MYO16: variants seen among roughly 807,000 people sequenced by gnomAD.
MYO16 encodes the protein unconventional myosin-XVI.
MYO16 carries 94 observed loss-of-function variants against 205.3 expected under a neutral mutation model. The ratio of observed to expected loss-of-function variants is 0.46; its 90% CI spans 0.39 to 0.54. MYO16 has a LOEUF of 0.54. MYO16 is among the 20% of genes least tolerant of loss of function. The pLI is 0.00. For synonymous variants in MYO16, 988 were observed against 954.0 expected, an observed-to-expected ratio of 1.04 and a Z score of -0.66; for missense variants, 2,315 against 2,387.5, an observed-to-expected ratio of 0.97 and a Z score of 0.63.
At chr13:108,902,303 C>G (rs1880750725) in intron 15 of MYO16, among the ~76,000 whole-genome samples, 1 of 152,210 alleles carries the variant, frequency 6.6e-6, no homozygotes, top group African/African-American at 2.4e-5. Context: ...TTTACAGATG[C>G]TGCCTAGTGC....
the MYO16 span, among the ~76,000 whole-genome samples, chr13:108,550,752 A>G: frequency 6.6e-6 from 1 of 152,250 alleles, no homozygotes; most frequent in Non-Finnish European, 1.5e-5. Context: ...AAAACAAAGC[A>G]TGTATTGAAT....
At chr13:108,907,963 C>T (rs1447135857) in intron 15 of MYO16, among the ~76,000 whole-genome samples, 2 of 151,976 alleles carry the variant, frequency 1.3e-5, no homozygotes, top group Non-Finnish European at 1.5e-5. Context: ...TTTAAAATGT[C>T]TTTAGGTTTT....
chr13:108,741,640 G>C (rs1884913252), intron 4 of MYO16, among the ~76,000 whole-genome samples: 1 of 152,172 alleles, frequency 6.6e-6, no homozygotes, highest in African/African-American at 2.4e-5. Flanking sequence ...AAAGTGCCAT[G>C]AGAAATTATT....
intron 27 of MYO16, among the ~76,000 whole-genome samples, chr13:109,086,255 C>T (rs1173838670): frequency 6.6e-6 from 1 of 152,182 alleles, no homozygotes; most frequent in Admixed American, 6.5e-5. Context: ...GGACAATGCC[C>T]AGCATTCTGT....
chr13:109,008,493 A>G (rs1449078747), intron 21 of MYO16, among the ~76,000 whole-genome samples: 45 of 88,072 alleles, frequency 5.1e-4, no homozygotes, highest in South Asian at 2.8e-3. Flanking sequence ...CTACTGTACT[A>G]TCTATCTTGT....
rs1566468320 is a variant in MYO16, at chr13:109,023,691, A to ATATGTATATATGCATATATACATATG, written c.2796+3792_2796+3793insCATATATACATATGTATGTATATATG. ...TGCAAATATATGTATATATACATAT[A>ATATGTATATATGCATATATACATATG]TATGTATATATGTATATATACAAAT... On this transcript the variant is annotated intron_variant, in intron 23 of 34. Coordinates refer to ENST00000457511, the MANE Select transcript of MYO16 (RefSeq NM_001198950.3). Among the ~76,000 whole-genome samples the ATATGTATATATGCATATATACATATG allele has an allele frequency of 2.7e-5, 3 of 109,904 alleles. 1 individual carries two copies. The highest frequency in any genetic ancestry group is 9.2e-5 in the African/African-American group (3 of 32,558). 72.1% of individuals were successfully genotyped at this position (109,904 alleles called of 152,430 possible).
intron 1 of MYO16, among the ~76,000 whole-genome samples, chr13:108,602,531 T>C (rs1238587211): frequency 6.6e-6 from 1 of 152,134 alleles, no homozygotes; most frequent in African/African-American, 2.4e-5. Flanking sequence ...AGTCATAGAA[T>C]ATGTCACTAA....
At chr13:109,110,271 C>G (rs985379279) in intron 28 of MYO16, among the ~76,000 whole-genome samples, 2 of 152,174 alleles carry the variant, frequency 1.3e-5, no homozygotes, top group African/African-American at 2.4e-5. Context: ...CACAATGTGT[C>G]TCTTTGGGAG....
intron 17 of MYO16, among the ~76,000 whole-genome samples, chr13:108,958,131 A>G (rs1883447848): frequency 6.8e-6 from 1 of 146,140 alleles, no homozygotes; most frequent in East Asian, 1.9e-4. Flanking sequence ...TACATTATAT[A>G]TATTTTTAAA....
chr13:109,178,713 A>G (rs934629844), intron 33 of MYO16, among the ~76,000 whole-genome samples: 1 of 152,070 alleles, frequency 6.6e-6, no homozygotes, highest in Non-Finnish European at 1.5e-5. Context: ...CCCTCCAAGG[A>G]ACTTTTGGCA....
At chr13:108,925,757 C>A (rs761716250) in intron 16 of MYO16, among the ~76,000 whole-genome samples, 2 of 152,318 alleles carry the variant, frequency 1.3e-5, no homozygotes, top group Non-Finnish European at 2.9e-5. Context: ...GACTTCGCTC[C>A]CATCATCTCC....
At chr13:108,895,255 T>A (rs919238876) in intron 14 of MYO16, among the ~76,000 whole-genome samples, 1 of 150,854 alleles carries the variant, frequency 6.6e-6, no homozygotes. Context: ...TTGAGGAAAA[T>A]ATATATATTT....
chr13:108,682,701 A>C (rs1882511722), intron 2 of MYO16, among the ~76,000 whole-genome samples: 1 of 152,136 alleles, frequency 6.6e-6, no homozygotes, highest in Non-Finnish European at 1.5e-5. Context: ...CGTGCATGGA[A>C]GGGTCAGTGA....
At chr13:108,877,832 T>C (rs1879398307) in intron 12 of MYO16, among the ~76,000 whole-genome samples, 1 of 152,230 alleles carries the variant, frequency 6.6e-6, no homozygotes, top group Non-Finnish European at 1.5e-5. Context: ...AAATTTAATG[T>C]AGTAAGATCG....
At chr13:108,790,042 C>T (rs953640544) in intron 5 of MYO16, among the ~76,000 whole-genome samples, 9 of 152,154 alleles carry the variant, frequency 5.9e-5, no homozygotes, top group Non-Finnish European at 7.4e-5. Context: ...CCGTGGTGGT[C>T]TGACCCAGGC....
intron 3 of MYO16, among the ~76,000 whole-genome samples, chr13:108,717,436 C>A (rs2139562258): frequency 6.6e-6 from 1 of 152,032 alleles, no homozygotes; most frequent in Admixed American, 6.5e-5. Flanking sequence ...CGAGACCACC[C>A]TGGCTAACAT....
At chr13:109,044,877 A>T (rs548381808) in intron 23 of MYO16, among the ~76,000 whole-genome samples, 1 of 152,140 alleles carries the variant, frequency 6.6e-6, no homozygotes, top group Non-Finnish European at 1.5e-5. Context: ...TTTAGTAGAG[A>T]TGGGGTTTCA....
At chr13:108,911,066 C>CACACACACACACAG (rs59417999) in intron 16 of MYO16, among the ~76,000 whole-genome samples, 7,193 of 142,734 alleles carry the variant, frequency 0.05, 251 homozygotes, top group African/African-American at 0.083. Flanking sequence ...CACACACACA[C>CACACACACACACAG]AGAGAGAGAG....
At chr13:108,972,814 AATG>A (rs1183830176) in intron 20 of MYO16, among the ~76,000 whole-genome samples, 2 of 151,988 alleles carry the variant, frequency 1.3e-5, no homozygotes, top group Non-Finnish European at 2.9e-5. Context: ...GGTTAGAAAC[AATG>A]ATATTTCCTA....
Sources: gnomAD v4.1 joint callset for allele counts (sites outside exome capture counted in the v4.1 genomes callset) on GRCh38, gnomAD v4.1.1 for gene constraint, MANE v1.5 for transcripts, NCBI Gene and HGNC (gene_info 2026-07-23, HGNC 2026-07-21) for gene names.